Variants in RBFOX1 observed in about 807,000 individuals in gnomAD.
The protein encoded by RBFOX1 is RNA binding protein fox-1 homolog 1.
In RBFOX1, 8 loss-of-function variants were observed where a neutral mutation model predicts 57.7. That is an observed-to-expected ratio of 0.14 (90% CI 0.08 to 0.25). RBFOX1 has a LOEUF of 0.25. RBFOX1 is among the 10% of genes least tolerant of loss of function. RBFOX1 has a pLI of 1.00. For synonymous variants in RBFOX1, 326 were observed against 222.4 expected (o/e 1.47, Z -4.15); for missense variants, 611 against 548.5 (o/e 1.11, Z -1.14).
chr16:7,269,907 C>G (rs1025658321), intron 4 of RBFOX1, among the ~76,000 whole-genome samples: 6 of 152,206 alleles, frequency 3.9e-5, no homozygotes, highest in Non-Finnish European at 4.4e-5. Context: ...TTAATCTAGT[C>G]ATTACCAACA....
intron 10 of RBFOX1, among the ~76,000 whole-genome samples, chr16:7,621,046 C>A (rs369255835): frequency 6.6e-6 from 1 of 152,002 alleles, no homozygotes. Context: ...CAGGCCCCAC[C>A]CCAGACCCCC....
At chr16:7,584,538 G>T (rs567901402) in intron 6 of RBFOX1, among the ~76,000 whole-genome samples, 38 of 152,210 alleles carry the variant, frequency 2.5e-4, no homozygotes, top group African/African-American at 8.7e-4. Flanking sequence ...TGATCTGCCC[G>T]CCTCAGCCTC....
At chr16:6,180,380 A>G (rs1175083671) in intron 1 of RBFOX1, among the ~76,000 whole-genome samples, 1 of 151,556 alleles carries the variant, frequency 6.6e-6, no homozygotes, top group African/African-American at 2.4e-5. Context: ...TATTTTTTTC[A>G]TTTTATCTAG....
At chr16:7,688,968 T>G (rs183459187) in intron 14 of RBFOX1, among the ~76,000 whole-genome samples, 5 of 152,074 alleles carry the variant, frequency 3.3e-5, no homozygotes, top group Non-Finnish European at 5.9e-5. Flanking sequence ...GAACCTTAGA[T>G]AGTAAAAGCT....
chr16:7,293,028 G>C (rs1021601294), intron 4 of RBFOX1, among the ~76,000 whole-genome samples: 1 of 152,068 alleles, frequency 6.6e-6, no homozygotes, highest in Admixed American at 6.6e-5. Context: ...GAGAAAGTCT[G>C]GAACCAAGAC....
chr16:7,481,488 T>G (rs1298514000), intron 4 of RBFOX1, among the ~76,000 whole-genome samples: 2 of 152,200 alleles, frequency 1.3e-5, no homozygotes, highest in Admixed American at 1.3e-4. Flanking sequence ...TTTTGGTGAG[T>G]TAGCAAGAAT....
At chr16:6,141,962 G>C (rs1420885039) in intron 1 of RBFOX1, among the ~76,000 whole-genome samples, 1 of 151,562 alleles carries the variant, frequency 6.6e-6, no homozygotes, top group South Asian at 2.1e-4. Context: ...GGGAGGCTGA[G>C]GCAGAAGAAT....
chr16:6,266,615 G>C (rs111385482), intron 1 of RBFOX1, among the ~76,000 whole-genome samples: 14 of 152,086 alleles, frequency 9.2e-5, no homozygotes, highest in African/African-American at 3.1e-4. Flanking sequence ...TCAGGGGGCT[G>C]AGGCAGGAGA....
rs372856341 is a variant in RBFOX1 at position 5,499,858 on chromosome 16, C to CCACT, written c.258+32605_258+32608dup. 5.8e-3 allele frequency among the ~76,000 whole-genome samples: 889 copies of CCACT among 152,202 alleles called. 15 individuals carry two copies. The highest frequency in any genetic ancestry group is 0.02 in the African/African-American group (821 of 41,562). ...AAAGTGTTGGGATTACAGGCATGAG[C>CCACT]CACTGTGCCCGGCCAAGCCCAGGTT... is the stretch of plus-strand genomic sequence containing the variant. On this transcript the variant is annotated intron_variant, in intron 2 of 2. Coordinates refer to the RBFOX1 transcript ENST00000585867.
At chr16:6,042,078 T>A (rs1368634178) in intron 1 of RBFOX1, among the ~76,000 whole-genome samples, 1 of 150,940 alleles carries the variant, frequency 6.6e-6, no homozygotes, top group Non-Finnish European at 1.5e-5. Context: ...ATCTCCACAG[T>A]CTCATCTCCT....
chr16:6,289,621 A>G (rs953890268), intron 1 of RBFOX1, among the ~76,000 whole-genome samples: 1 of 152,094 alleles, frequency 6.6e-6, no homozygotes, highest in African/African-American at 2.4e-5. Context: ...TATCTGTTTA[A>G]TCCACAAACA....
At chr16:7,504,548 T>C (rs1047472129) in intron 4 of RBFOX1, among the ~76,000 whole-genome samples, 1 of 149,464 alleles carries the variant, frequency 6.7e-6, no homozygotes, top group African/African-American at 2.5e-5. Flanking sequence ...CAAAAAAAGG[T>C]CAATTATAGA....
At chr16:7,054,628 C>G (rs1284256994) in intron 4 of RBFOX1, among the ~76,000 whole-genome samples, 2 of 151,674 alleles carry the variant, frequency 1.3e-5, no homozygotes, top group Non-Finnish European at 2.9e-5. Context: ...ATGCATTTTC[C>G]TCAATCTCAT....
chr16:6,762,296 A>T (rs1453387059), intron 3 of RBFOX1, among the ~76,000 whole-genome samples: 8 of 152,220 alleles, frequency 5.3e-5, no homozygotes, highest in African/African-American at 1.9e-4. Flanking sequence ...TAGTGAAAAT[A>T]CTGACTTTTG....
chr16:5,512,742 G>A (rs138522474), intron 2 of RBFOX1, among the ~76,000 whole-genome samples: 31 of 152,276 alleles, frequency 2.0e-4, no homozygotes, highest in Non-Finnish European at 3.8e-4. Context: ...TGACACGTTC[G>A]TCATAACTAA....
rs531108855 is a variant in RBFOX1 at position 7,516,176 on chromosome 16, T to C, written c.28-1971T>C. Reference sequence around the variant, plus strand: ...TCAGTTCTTGGCAGCTCCAGGCTTATGATGTTTTTACAGCTGCCCATCACC... The same window carrying C: ...TCAGTTCTTGGCAGCTCCAGGCTTACGATGTTTTTACAGCTGCCCATCACC... On this transcript the variant is annotated intron_variant, in intron 4 of 15. Coordinates refer to ENST00000550418, the MANE Select transcript of RBFOX1 (RefSeq NM_018723.4). 1.5e-4 allele frequency among the ~76,000 whole-genome samples: 23 copies of C among 152,248 alleles called. 1 individual carries two copies. In the South Asian group the frequency reaches 3.5e-3, roughly 23 times the overall value.
At chr16:6,029,028 G>A (rs537254609) in intron 1 of RBFOX1, among the ~76,000 whole-genome samples, 1 of 152,286 alleles carries the variant, frequency 6.6e-6, no homozygotes, top group East Asian at 1.9e-4. Context: ...TCCAAGGATG[G>A]CTACCTGGGA....
chr16:7,560,751 A>G (rs548068000), intron 5 of RBFOX1, among the ~76,000 whole-genome samples: 2 of 152,274 alleles, frequency 1.3e-5, no homozygotes, highest in African/African-American at 2.4e-5. Flanking sequence ...CACAAATGAC[A>G]TAATTAGATG....
intron 2 of RBFOX1, among the ~76,000 whole-genome samples, chr16:5,591,051 A>T (rs1004966859): frequency 4.0e-5 from 6 of 151,868 alleles, no homozygotes; most frequent in African/African-American, 1.5e-4. Context: ...GCAAGAAATG[A>T]AGCCTTACCC....
Sources: gnomAD v4.1 joint callset for allele counts (sites outside exome capture counted in the v4.1 genomes callset) on GRCh38, gnomAD v4.1.1 for gene constraint, MANE v1.5 for transcripts, NCBI Gene and HGNC (gene_info 2026-07-23, HGNC 2026-07-21) for gene names.